The following SCAPER variants were observed in gnomAD, a reference collection of about 807,000 sequenced individuals.
SCAPER encodes the protein S-phase cyclin A associated protein in the ER.
In SCAPER, 98 loss-of-function variants were observed where a neutral mutation model predicts 182.2. That is an observed-to-expected ratio of 0.54 (90% CI 0.46 to 0.64). The LOEUF (loss-of-function observed/expected upper bound fraction) is 0.64. SCAPER is among the 30% of genes least tolerant of loss of function. SCAPER has a pLI of 0.00. For synonymous variants in SCAPER, 605 were observed against 564.6 expected, an observed-to-expected ratio of 1.07 and a Z score of -1.01; for missense variants, 1,432 against 1,690.0, an observed-to-expected ratio of 0.85 and a Z score of 2.68.
chr15:76,834,935 G>A (rs1175231986), intron 5 of SCAPER, among the ~76,000 whole-genome samples: 1 of 152,022 alleles, frequency 6.6e-6, no homozygotes, highest in Non-Finnish European at 1.5e-5. Flanking sequence ...AAAAATCCCT[G>A]AACCAGACAG....
chr15:76,517,229 T>A (rs1165348899), intron 23 of SCAPER, among the ~76,000 whole-genome samples: 1 of 152,044 alleles, frequency 6.6e-6, no homozygotes, highest in Non-Finnish European at 1.5e-5. Context: ...TATATATACA[T>A]ACACTTTTAA....
chr15:76,504,933 T>A lies in SCAPER; in HGVS notation c.2880A>T (p.Leu960Phe), dbSNP rs572727643. The change falls in exon 24 of 32, where the codon TTA becomes TTT. Residue 960 changes from leucine to phenylalanine, a missense_variant. By Grantham distance (22) the Leu-to-Phe change is conservative. Coordinates refer to ENST00000563290, the MANE Select transcript of SCAPER (RefSeq NM_020843.4). Reference protein sequence around the residue: ...DQIAFQAAGGLTALEHILQAV... With the variant: ...DQIAFQAAGGFTALEHILQAV... The stretch of plus-strand genomic sequence containing the variant: ...CTTGAAGGATGTGTTCAAGGGCTGT[T>A]AATCCACCAGCAGCTTGAAATGCAA... 1 of 1,613,082 alleles carries A rather than the reference T, an allele frequency of 6.2e-7. No homozygotes were observed. The highest frequency in any genetic ancestry group is 2.2e-5 in the East Asian group (1 of 44,826).
chr15:76,884,016 T>A, intron 1 of SCAPER, 140 bp from the exon 2 acceptor site: 1 of 524,076 alleles, frequency 1.9e-6, no homozygotes, highest in Non-Finnish European at 3.3e-6. Context: ...CCTGTTGGGG[T>A]ATAATATAGC....
chr15:76,899,726 T>C (rs1017949055), intron 1 of SCAPER, among the ~76,000 whole-genome samples: 3 of 151,686 alleles, frequency 2.0e-5, no homozygotes, highest in Non-Finnish European at 4.4e-5. Flanking sequence ...GGAGCGTCTC[T>C]GCCTGGCTGC....
At chr15:76,367,229 C>G (rs983592669) in intron 29 of SCAPER, among the ~76,000 whole-genome samples, 1 of 152,234 alleles carries the variant, frequency 6.6e-6, no homozygotes, top group Non-Finnish European at 1.5e-5. Context: ...AAGGATCCAG[C>G]AGTCCTGACT....
rs561473770 is a variant in SCAPER, at chr15:76,434,692, G to C, written c.3079-382C>G. On this transcript the variant is annotated intron_variant, in intron 25 of 31. Transcript: ENST00000563290. ...AATGAACTCAGAAAATAGATAAAAT[G>C]ACAGCACTGTTTCTTATTACAGTGT... is the stretch of plus-strand genomic sequence containing the variant. 1.4e-4 allele frequency among the ~76,000 whole-genome samples: 22 copies of C among 152,262 alleles called. No individual in the cohort carries two copies. In the South Asian group the frequency reaches 4.6e-3, roughly 32 times the overall value.
intron 1 of SCAPER, among the ~76,000 whole-genome samples, chr15:76,900,924 G>A (rs1456250439): frequency 1.3e-5 from 2 of 152,198 alleles, no homozygotes; most frequent in Non-Finnish European, 2.9e-5. Flanking sequence ...CACAAAGTCT[G>A]TCACCCATGT....
At chr15:76,747,691 G>A (rs961597369) in intron 15 of SCAPER, among the ~76,000 whole-genome samples, 1 of 152,002 alleles carries the variant, frequency 6.6e-6, no homozygotes, top group Non-Finnish European at 1.5e-5. Flanking sequence ...TTGTTTCCAA[G>A]AGTGTGGTAC....
intron 15 of SCAPER, among the ~76,000 whole-genome samples, chr15:76,737,691 C>G (rs2151088606): frequency 6.6e-6 from 1 of 152,352 alleles, no homozygotes; most frequent in East Asian, 1.9e-4. Context: ...AAGGTTCTTT[C>G]ATCTGCATTG....
In SCAPER at chr15:76,428,866, CTATATATATATA is replaced by C. The variant is rs375991391; in HGVS notation, c.3311+5200_3311+5211del. 3.5e-4 allele frequency among the ~76,000 whole-genome samples: 28 copies of C among 79,914 alleles called. 1 individual carries two copies. The highest frequency in any genetic ancestry group is 1.1e-3 in the East Asian group (2 of 1,898). The allele number at this position is 79,914 out of a possible 152,430, so 52.4% of individuals were successfully genotyped here. A position where few individuals can be genotyped will look rare whatever the true frequency, so the allele number is the denominator to read the frequency against. ...TAGGTATCCTGATCAGATCATTATACTATATATATATATATATATATATATATAAACATCAAA... is the reference window on the plus strand; with the variant it reads ...TAGGTATCCTGATCAGATCATTATACTATATATATATATATAAACATCAAA... On this transcript the variant is annotated intron_variant, in intron 26 of 31. Coordinates refer to ENST00000563290, the MANE Select transcript of SCAPER (RefSeq NM_020843.4).
chr15:76,815,984 G>C (rs913403584), intron 5 of SCAPER, among the ~76,000 whole-genome samples: 1 of 152,070 alleles, frequency 6.6e-6, no homozygotes, highest in East Asian at 1.9e-4. Flanking sequence ...GTAAAAATAC[G>C]TTGCAAAATA....
chr15:76,540,607 G>T (rs1330152365), intron 23 of SCAPER, among the ~76,000 whole-genome samples: 1 of 151,902 alleles, frequency 6.6e-6, no homozygotes, highest in African/African-American at 2.4e-5. Context: ...AGAATACATT[G>T]TAAGCTGTTA....
chr15:76,354,671 T>C lies in SCAPER; in HGVS notation c.3856-531A>G, dbSNP rs565307733. On this transcript the variant is annotated intron_variant, in intron 29 of 31. Coordinates refer to ENST00000563290, the MANE Select transcript of SCAPER (RefSeq NM_020843.4). This position sits in a 1 kb window ranked among gnomAD's most constrained non-coding sequence, Gnocchi z 4.4. ...ATGGGAACAGTTTCAAAAAAAGTTA[T>C]AGGCTCCAAAAGACCTTTCCTCCAA... is the stretch of plus-strand genomic sequence containing the variant. 1.3e-5 allele frequency: 2 copies of C among 152,438 alleles called. No homozygotes were observed. Among genetic ancestry groups the C allele is most frequent in the Admixed American group, 6.5e-5 (1 of 15,308 alleles). 9.4% of individuals were successfully genotyped at this position (152,438 alleles called of 1,614,324 possible).
chr15:76,641,270 T>C (rs2054081901), intron 21 of SCAPER, among the ~76,000 whole-genome samples: 2 of 152,222 alleles, frequency 1.3e-5, no homozygotes, highest in African/African-American at 4.8e-5. Context: ...ACACACTATA[T>C]TGTAAATTCT....
At chr15:76,385,007 G>A (rs1258330547) in intron 27 of SCAPER, among the ~76,000 whole-genome samples, 1 of 152,222 alleles carries the variant, frequency 6.6e-6, no homozygotes, top group Admixed American at 6.5e-5. Flanking sequence ...AGTACATTCT[G>A]AGATATTTGT....
intron 21 of SCAPER, among the ~76,000 whole-genome samples, chr15:76,628,160 C>T (rs538915757): frequency 2.0e-4 from 31 of 152,146 alleles, no homozygotes; most frequent in South Asian, 4.2e-4. Flanking sequence ...GTTTAAGTTC[C>T]TTTTAGATTC....
intron 27 of SCAPER, among the ~76,000 whole-genome samples, chr15:76,384,672 G>T (rs1363758318): frequency 6.6e-6 from 1 of 152,202 alleles, no homozygotes; most frequent in Non-Finnish European, 1.5e-5. Context: ...GTGCTTCATG[G>T]AAAAGACCAT....
intron 26 of SCAPER, among the ~76,000 whole-genome samples, chr15:76,410,671 A>G (rs888290789): frequency 2.6e-5 from 4 of 152,194 alleles, no homozygotes. Flanking sequence ...GGATATTAGA[A>G]ACAAGGCCTG....
intron 4 of SCAPER, among the ~76,000 whole-genome samples, chr15:76,857,589 C>T (rs1483707093): frequency 6.6e-6 from 1 of 152,104 alleles, no homozygotes; most frequent in Non-Finnish European, 1.5e-5. Flanking sequence ...GTAATGCTTA[C>T]ATCGAAGGGT....
Sources: gnomAD v4.1 joint callset for allele counts (sites outside exome capture counted in the v4.1 genomes callset) on GRCh38, gnomAD v4.1.1 for gene constraint, Gnocchi (gnomAD v3.1) non-coding constraint, MANE v1.5 for transcripts, NCBI Gene and HGNC (gene_info 2026-07-23, HGNC 2026-07-21) for gene names.